Variants in STOX1 observed in about 807,000 individuals in gnomAD.
STOX1 encodes storkhead-box protein 1.
A neutral mutation model predicts 74.8 loss-of-function variants in STOX1; 57 were observed. That is an observed-to-expected ratio of 0.76 (90% confidence interval 0.62 to 0.95). The LOEUF is 0.95. Among genes scored for constraint, STOX1 ranks in the 40% least tolerant of loss-of-function variants. The probability of loss-of-function intolerance (pLI) is 0.00; values close to 1 mark genes in which losing one functional copy is unlikely to be tolerated. For missense variants in STOX1, 1,010 were observed against 1,117.0 expected, an observed-to-expected ratio of 0.90 and a Z score of 1.37; for synonymous variants, 375 against 401.3, an observed-to-expected ratio of 0.93 and a Z score of 0.78.
chr10:68,892,544 AGTTCCCTTC>A (rs1841121604), intron 3 of STOX1, 36 bp from the exon 4 acceptor site: 1 of 1,586,052 alleles, frequency 6.3e-7, no homozygotes, highest in Admixed American at 1.7e-5. Flanking sequence ...TAGAAATTCA[AGTTCCCTTC>A]GAAGCCAATA....
chr10:68,872,427 C>T (rs1840559381), intron 1 of STOX1, among the ~76,000 whole-genome samples: 1 of 150,288 alleles, frequency 6.7e-6, no homozygotes. Flanking sequence ...CTCACCGCAA[C>T]CTCCACCTCC....
At chr10:68,882,247 G>C in intron 2 of STOX1, 137 bp downstream of exon 2, 1 of 815,646 alleles carries the variant, frequency 1.2e-6, no homozygotes, top group Non-Finnish European at 2.0e-6. Flanking sequence ...AACCCTGCCA[G>C]AAGAAGTCCT....
chr10:68,849,836 A>G (rs1296955154), intron 1 of STOX1, among the ~76,000 whole-genome samples: 2 of 152,128 alleles, frequency 1.3e-5, no homozygotes, highest in South Asian at 4.1e-4. Context: ...TTGATTTTTT[A>G]TCACAGCATT....
intron 1 of STOX1, among the ~76,000 whole-genome samples, chr10:68,848,548 G>A (rs1253665104): frequency 6.6e-6 from 1 of 152,218 alleles, no homozygotes; most frequent in Non-Finnish European, 1.5e-5. Context: ...CTGTGAAACA[G>A]ATGATAATAC....
Position 68,882,020 on chromosome 10 carries a change from G to T in STOX1, c.373G>T (p.Val125Phe). The change falls in exon 2 of 4, where the codon GTT becomes TTT. Residue 125 changes from valine to phenylalanine, a missense_variant. Transcript: ENST00000298596. ...ATCTCAGTTCGTACCTTTGGGTGAAGTTCTTTGCTGTGCTATATCTGATAT... is the reference window on the plus strand; with the variant it reads ...ATCTCAGTTCGTACCTTTGGGTGAATTTCTTTGCTGTGCTATATCTGATAT... Reference protein sequence around the residue: ...TQSQFVPLGEVLCCAISDMNT... With the variant: ...TQSQFVPLGEFLCCAISDMNT... 1.9e-6 allele frequency: 3 copies of T among 1,613,838 alleles called. No homozygotes were observed. Among genetic ancestry groups the T allele is most frequent in the Non-Finnish European group, 2.5e-6 (3 of 1,179,916 alleles).
Position 68,852,479 on chromosome 10 carries a change from T to G in STOX1, c.310+24546T>G, listed in dbSNP as rs186309789. 1.8e-3 allele frequency among the ~76,000 whole-genome samples: 278 copies of G among 151,922 alleles called. 6 individuals are homozygous for G. The highest frequency in any genetic ancestry group is 6.4e-3 in the African/African-American group (264 of 41,376). On this transcript the variant is annotated intron_variant, in intron 1 of 3. Coordinates refer to ENST00000298596, the MANE Select transcript of STOX1 (RefSeq NM_152709.5). ...TTCACCTTGTTAGCCAGGATGGTCT[T>G]GATCTCCTGACCTCATGATCCACCA...
chr10:68,873,498 T>C (rs1840589953), intron 1 of STOX1, among the ~76,000 whole-genome samples: 1 of 149,788 alleles, frequency 6.7e-6, no homozygotes. Flanking sequence ...CCTGACCTCG[T>C]GATCCACCCG....
intron 1 of STOX1, among the ~76,000 whole-genome samples, chr10:68,839,855 A>G (rs1429324359): frequency 6.6e-6 from 1 of 152,214 alleles, no homozygotes; most frequent in African/African-American, 2.4e-5. Flanking sequence ...GCGCCACTAC[A>G]CAGAGTGAGA....
At chr10:68,860,120 A>G (rs1329942353) in intron 1 of STOX1, among the ~76,000 whole-genome samples, 1 of 151,422 alleles carries the variant, frequency 6.6e-6, no homozygotes, top group Non-Finnish European at 1.5e-5. Flanking sequence ...TGAAACCCCA[A>G]AAATTAGCAT....
At chr10:68,840,727 A>T (rs1839672422) in intron 1 of STOX1, among the ~76,000 whole-genome samples, 1 of 150,206 alleles carries the variant, frequency 6.7e-6, no homozygotes, top group Admixed American at 6.6e-5. Context: ...CGCCTGGCTA[A>T]TTTTTTGTAT....
At chr10:68,860,717 A>G (rs1840247123) in intron 1 of STOX1, among the ~76,000 whole-genome samples, 1 of 152,038 alleles carries the variant, frequency 6.6e-6, no homozygotes, top group South Asian at 2.1e-4. Flanking sequence ...GTGTGTGTTA[A>G]ATGGGCCAAC....
intron 1 of STOX1, among the ~76,000 whole-genome samples, chr10:68,845,377 C>T (rs1277125385): frequency 1.3e-5 from 2 of 149,446 alleles, no homozygotes; most frequent in Non-Finnish European, 3.0e-5. Flanking sequence ...AGGTTCACGC[C>T]ATTCTCCTGC....
chr10:68,839,338 T>G (rs1189862177), intron 1 of STOX1, among the ~76,000 whole-genome samples: 1 of 152,080 alleles, frequency 6.6e-6, no homozygotes, highest in East Asian at 1.9e-4. Flanking sequence ...TCCTCCCACC[T>G]CAGTCTCATG....
intron 1 of STOX1, among the ~76,000 whole-genome samples, chr10:68,872,499 C>G (rs1402543534): frequency 6.6e-6 from 1 of 151,964 alleles, no homozygotes; most frequent in African/African-American, 2.4e-5. Flanking sequence ...GCACCCACCA[C>G]CACGCCCAGC....
Position 68,885,300 on chromosome 10 carries a change from C to T in STOX1, c.1504C>T (p.His502Tyr). The change falls in exon 3 of 4, where the codon CAC becomes TAC. Residue 502 changes from histidine (H) to tyrosine (Y), a missense_variant. By Grantham distance (83) the His-to-Tyr change is moderately conservative (BLOSUM62 2). Coordinates refer to ENST00000298596, the MANE Select transcript of STOX1 (RefSeq NM_152709.5). ...RISNPFQGLS[H>Y]RGSTISKGHK... ...CAGTAATCCTTTCCAGGGTTTGTCT[C>T]ACCGAGGAAGCACAATATCCAAAGG... 3 of 1,614,158 alleles carry T rather than the reference C, an allele frequency of 1.9e-6. No individual in the cohort carries two copies. Among genetic ancestry groups the T allele is most frequent in the Admixed American group, 1.7e-5 (1 of 60,020 alleles).
At chr10:68,846,121 TA>T (rs753797016) in intron 1 of STOX1, among the ~76,000 whole-genome samples, 11,976 of 69,436 alleles carry the variant, frequency 0.17, 848 homozygotes, top group East Asian at 0.47. Context: ...TTGAGGTTTT[TA>T]TTATTATTAT....
In STOX1 at chr10:68,888,627, A is replaced by ATTTTTTTTTTT. The variant is rs747038041; in HGVS notation, c.2822+2019_2822+2029dup. On this transcript the variant is annotated intron_variant, in intron 3 of 3. Transcript: ENST00000298596. ...AAATTTGGTTCATATCTTTGCCAGT[A>ATTTTTTTTTTT]TTTTTTTTTTTTTTTTTTTTGCTTT... 5.6e-5 allele frequency among the ~76,000 whole-genome samples: 6 copies of ATTTTTTTTTTT among 107,820 alleles called. No individual in the cohort carries two copies. The East Asian group carries it at 7.5e-4, about 14-fold the overall frequency. The allele number at this position is 107,820 out of a possible 152,430, so 70.7% of individuals were successfully genotyped here. A position where few individuals can be genotyped will look rare whatever the true frequency, so the allele number is the denominator to read the frequency against.
chr10:68,865,385 C>T (rs1840379377), intron 1 of STOX1, among the ~76,000 whole-genome samples: 1 of 152,220 alleles, frequency 6.6e-6, no homozygotes, highest in Non-Finnish European at 1.5e-5. Context: ...CGCAGTGGCT[C>T]ACGCCTGTAA....
intron 1 of STOX1, among the ~76,000 whole-genome samples, chr10:68,859,951 T>G (rs1366755049): frequency 6.6e-6 from 1 of 151,806 alleles, no homozygotes; most frequent in Non-Finnish European, 1.5e-5. Flanking sequence ...CTCTGCAAGA[T>G]CCAAGCAGGA....
Sources: gnomAD v4.1 joint callset for allele counts (sites outside exome capture counted in the v4.1 genomes callset) on GRCh38, gnomAD v4.1.1 for gene constraint, MANE v1.5 for transcripts, NCBI Gene and HGNC (gene_info 2026-07-23, HGNC 2026-07-21) for gene names.